VPS13D: variants seen among roughly 807,000 people sequenced by gnomAD.
VPS13D encodes the protein intermembrane lipid transfer protein VPS13D.
VPS13D carries 187 observed loss-of-function variants against 461.9 expected under a neutral mutation model. That is an observed-to-expected ratio of 0.40 (90% CI 0.36 to 0.46). VPS13D has a LOEUF of 0.46. VPS13D is among the 20% of genes least tolerant of loss of function. VPS13D has a pLI of 0.60. For synonymous variants in VPS13D, 1,951 were observed against 1,986.3 expected (o/e 0.98, Z 0.47); for missense variants, 4,711 against 5,364.9 (o/e 0.88, Z 3.81).
At chr1:12,447,536 C>T (rs1645208576) in intron 65 of VPS13D, among the ~76,000 whole-genome samples, 1 of 152,188 alleles carries the variant, frequency 6.6e-6, no homozygotes, top group Admixed American at 6.5e-5. Flanking sequence ...CTTACCTACT[C>T]TGCCACACAC....
intron 2 of VPS13D, among the ~76,000 whole-genome samples, chr1:12,238,867 C>T (rs1017003281): frequency 1.3e-5 from 2 of 151,840 alleles, no homozygotes; most frequent in Non-Finnish European, 2.9e-5. Context: ...ACTCTGGGCT[C>T]AAATGATGCT....
At chr1:12,500,577 G>A (rs1646021941) in intron 68 of VPS13D, among the ~76,000 whole-genome samples, 3 of 151,938 alleles carry the variant, frequency 2.0e-5, no homozygotes, top group Non-Finnish European at 2.9e-5. Flanking sequence ...CTGCTCTAAT[G>A]TACTGCTTTC....
intron 46 of VPS13D, among the ~76,000 whole-genome samples, chr1:12,352,965 C>CAGAAAAAAAAAAAAAAAAA (rs1643830044): frequency 5.7e-5 from 1 of 17,586 alleles, no homozygotes; most frequent in Non-Finnish European, 1.0e-4. Context: ...AACTCAGTCT[C>CAGAAAAAAAAAAAAAAAAA]AAAAAAAAAA....
At chr1:12,294,196 A>G (rs1437006611) in intron 24 of VPS13D, among the ~76,000 whole-genome samples, 1 of 152,256 alleles carries the variant, frequency 6.6e-6, no homozygotes, top group Non-Finnish European at 1.5e-5. Context: ...AGGTGTTTGA[A>G]AAAATAATAA....
At chr1:12,301,410 G>T (rs2101463612) in intron 25 of VPS13D, among the ~76,000 whole-genome samples, 1 of 152,260 alleles carries the variant, frequency 6.6e-6, no homozygotes, top group African/African-American at 2.4e-5. Flanking sequence ...TGCTATAGTG[G>T]CTCATAGAAC....
rs370040626 is a variant in VPS13D, at chr1:12,367,902, C to T, written c.10449-566C>T. Reference sequence around the variant, plus strand: ...GATTACAGGCGTGAGCCACCACACCCGGCTGCAATGCAGATTTTTAAAAAA... The same window carrying T: ...GATTACAGGCGTGAGCCACCACACCTGGCTGCAATGCAGATTTTTAAAAAA... On this transcript the variant is annotated intron_variant, in intron 52 of 69. Coordinates refer to ENST00000620676, the MANE Select transcript of VPS13D (RefSeq NM_015378.4). Among the ~76,000 whole-genome samples the T allele has an allele frequency of 2.8e-4, 43 of 152,230 alleles. 3 individuals carry two copies. The highest frequency in any genetic ancestry group is 2.1e-3 in the Admixed American group (32 of 15,296).
intron 30 of VPS13D, among the ~76,000 whole-genome samples, chr1:12,316,111 G>A (rs1454697925): frequency 2.6e-5 from 4 of 152,090 alleles, no homozygotes; most frequent in South Asian, 4.1e-4. Flanking sequence ...CACCGTGCCC[G>A]GCCGAGAAAC....
At chr1:12,410,769 G>A (rs1644716262) in intron 63 of VPS13D, among the ~76,000 whole-genome samples, 1 of 152,072 alleles carries the variant, frequency 6.6e-6, no homozygotes, top group African/African-American at 2.4e-5. Flanking sequence ...ATGTAAGAAG[G>A]CTAATATAAC....
rs769322835 is a variant in VPS13D at position 12,358,524 on chromosome 1, C to T, written c.10064C>T (p.Ser3355Phe). 6.2e-7 allele frequency: 1 copy of T among 1,614,066 alleles called. No homozygotes were observed. Among genetic ancestry groups the T allele is most frequent in the Non-Finnish European group, 8.5e-7 (1 of 1,180,048 alleles). The change falls in exon 50 of 70, where the codon TCC (serine) becomes TTC (phenylalanine). Residue 3355 changes from serine (S) to phenylalanine (F), a missense_variant. By Grantham distance (155) the Ser-to-Phe change is radical. Coordinates refer to ENST00000620676, the MANE Select transcript of VPS13D (RefSeq NM_015378.4). ...EGMPGWCQGF[S>F]LDGGSGVRAL... is the part of the protein sequence containing the mutation. ...ATGCCGGGCTGGTGTCAGGGCTTCT[C>T]CCTGGATGGTGGTAGTGGTGTCCGA... is the stretch of plus-strand genomic sequence containing the variant.
At position 12,481,158 on chromosome 1, in the gene VPS13D, GCCGACT is replaced by G. The variant is rs200031017; in HGVS notation, c.12663-16339_12663-16334del. Among the ~76,000 whole-genome samples, 1,102 of 152,312 alleles carry G rather than the reference GCCGACT, an allele frequency of 7.2e-3. 17 individuals are homozygous for G. The highest frequency in any genetic ancestry group is 0.025 in the African/African-American group (1,057 of 41,560). On this transcript the variant is annotated intron_variant, in intron 67 of 69. Transcript: ENST00000620676. Reference sequence around the variant, plus strand: ...AAGTGGTGCTGTTGCCTCTGCATTGGCCGACTCCTGGCTGCACCTGCTTTTCCCAGA... The same window carrying G: ...AAGTGGTGCTGTTGCCTCTGCATTGGCCTGGCTGCACCTGCTTTTCCCAGA...
chr1:12,493,131 G>A (rs1645906842), intron 67 of VPS13D, among the ~76,000 whole-genome samples: 1 of 147,622 alleles, frequency 6.8e-6, no homozygotes, highest in South Asian at 2.2e-4. Flanking sequence ...GCCCAATGAT[G>A]AGAGTGGGCC....
chr1:12,344,247 G>C (rs911742766), intron 42 of VPS13D, among the ~76,000 whole-genome samples: 1 of 152,192 alleles, frequency 6.6e-6, no homozygotes, highest in Non-Finnish European at 1.5e-5. Context: ...TGAAGAGATT[G>C]GCTTTAGCTT....
chr1:12,330,591 C>T (rs867930586), intron 37 of VPS13D, among the ~76,000 whole-genome samples: 3 of 151,658 alleles, frequency 2.0e-5, no homozygotes, highest in African/African-American at 7.3e-5. Context: ...TTTTTGAGAC[C>T]GAGTCTCACT....
intron 67 of VPS13D, among the ~76,000 whole-genome samples, chr1:12,474,461 A>G (rs1451448330): frequency 1.3e-5 from 2 of 151,812 alleles, no homozygotes; most frequent in Admixed American, 1.3e-4. Flanking sequence ...CAACAATATT[A>G]TTATGTAGGT....
intron 63 of VPS13D, among the ~76,000 whole-genome samples, chr1:12,404,782 G>A (rs1309235297): frequency 6.6e-6 from 1 of 152,174 alleles, no homozygotes; most frequent in African/African-American, 2.4e-5. Flanking sequence ...TGTCAGTCAA[G>A]GCTGTGTGGC....
At chr1:12,414,966 CA>C in intron 63 of VPS13D, 120 bp from the exon 64 acceptor site, 2 of 1,188,840 alleles carry the variant, frequency 1.7e-6, no homozygotes, top group Non-Finnish European at 2.3e-6. Context: ...TTATAAACAT[CA>C]AAACCTGACC....
chr1:12,333,745 A>G (rs960558535), intron 38 of VPS13D, among the ~76,000 whole-genome samples: 1 of 152,238 alleles, frequency 6.6e-6, no homozygotes, highest in African/African-American at 2.4e-5. Context: ...CCATATCTTT[A>G]TAGTAGAATA....
intron 52 of VPS13D, among the ~76,000 whole-genome samples, chr1:12,364,446 A>G (rs1484169998): frequency 6.6e-6 from 1 of 152,226 alleles, no homozygotes; most frequent in Non-Finnish European, 1.5e-5. Context: ...TGCTGCGAAC[A>G]TAGGTTCGCA....
intron 27 of VPS13D, among the ~76,000 whole-genome samples, chr1:12,309,338 G>A (rs1433141981): frequency 8.6e-5 from 13 of 150,676 alleles, no homozygotes; most frequent in Admixed American, 1.3e-4. Context: ...AGCCTCCCAA[G>A]TAGCTGAGAT....
Sources: gnomAD v4.1 joint callset for allele counts (sites outside exome capture counted in the v4.1 genomes callset) on GRCh38, gnomAD v4.1.1 for gene constraint, MANE v1.5 for transcripts, NCBI Gene and HGNC (gene_info 2026-07-23, HGNC 2026-07-21) for gene names.